Variants in PCP4L1 observed in about 807,000 individuals in gnomAD.
The protein encoded by PCP4L1 is Purkinje cell protein 4-like protein 1.
In PCP4L1, 9 loss-of-function variants were observed where a neutral mutation model predicts 9.6. The observed-to-expected ratio is 0.94, with a 90% CI of 0.57 to 1.64. The LOEUF (loss-of-function observed/expected upper bound fraction) is 1.64. Ranked by LOEUF, PCP4L1 falls within the 40% of genes most tolerant of loss-of-function variation. The pLI is 0.00. For synonymous variants in PCP4L1, 31 were observed against 28.2 expected (o/e 1.10, Z -0.31); for missense variants, 81 against 80.8 (o/e 1.00, Z -0.01).
At chr1:161,267,044 A>C (rs1158138307) in intron 1 of PCP4L1, among the ~76,000 whole-genome samples, 1 of 152,024 alleles carries the variant, frequency 6.6e-6, no homozygotes, top group African/African-American at 2.4e-5. Flanking sequence ...AGATCCACTA[A>C]CTCTCCTGTC....
intron 1 of PCP4L1, among the ~76,000 whole-genome samples, chr1:161,263,163 A>G (rs1669448697): frequency 6.6e-6 from 1 of 152,222 alleles, no homozygotes; most frequent in Non-Finnish European, 1.5e-5. Context: ...CTGACTTCTC[A>G]TTCCAAAAGA....
At chr1:161,282,254 G>A (rs1025616157) in intron 1 of PCP4L1, among the ~76,000 whole-genome samples, 4 of 152,156 alleles carry the variant, frequency 2.6e-5, no homozygotes. Flanking sequence ...AGGCGTGGCG[G>A]CGCGCGCCTG....
At chr1:161,261,214 T>A (rs896608597) in intron 1 of PCP4L1, among the ~76,000 whole-genome samples, 2 of 152,210 alleles carry the variant, frequency 1.3e-5, no homozygotes, top group Non-Finnish European at 2.9e-5. Flanking sequence ...AGAAAGTGCA[T>A]GAAGTGAGAC....
chr1:161,281,979 T>G lies in PCP4L1; in HGVS notation c.10-1689T>G, dbSNP rs7532915. Among the ~76,000 whole-genome samples, 271 of 151,438 alleles carry G rather than the reference T, an allele frequency of 1.8e-3. 1 individual carries two copies. The highest frequency in any genetic ancestry group is 6.3e-3 in the African/African-American group (259 of 41,274). On this transcript the variant is annotated intron_variant, in intron 1 of 2. Coordinates refer to ENST00000504449, the MANE Select transcript of PCP4L1 (RefSeq NM_001102566.2). ...GCAGAGACGCTCCTCACTTCCCAGA[T>G]GGGGTGGCAGCCAGGCAGAGGCTGC... is the stretch of plus-strand genomic sequence containing the variant.
chr1:161,277,745 A>G (rs1449201746), intron 1 of PCP4L1, among the ~76,000 whole-genome samples: 1 of 152,002 alleles, frequency 6.6e-6, no homozygotes, highest in African/African-American at 2.4e-5. Flanking sequence ...GCCTCATCCT[A>G]TATCTCACCA....
chr1:161,283,437 G>T (rs957731976), intron 1 of PCP4L1, among the ~76,000 whole-genome samples: 2 of 152,170 alleles, frequency 1.3e-5, no homozygotes, highest in Admixed American at 1.3e-4. Flanking sequence ...CATGAGGGCA[G>T]AATTTCTTTG....
chr1:161,263,971 G>A (rs544558313), intron 1 of PCP4L1, among the ~76,000 whole-genome samples: 180 of 132,654 alleles, frequency 1.4e-3, no homozygotes, highest in African/African-American at 4.8e-3. Flanking sequence ...GTGCAGTGGC[G>A]CCATTTTGGC....
chr1:161,266,372 C>T (rs556533718), intron 1 of PCP4L1, among the ~76,000 whole-genome samples: 1 of 152,282 alleles, frequency 6.6e-6, no homozygotes, highest in East Asian at 1.9e-4. Context: ...TTTGGCACTA[C>T]TCTCTCTCCC....
In PCP4L1 at chr1:161,266,251, C is replaced by A. The variant is rs568295186; in HGVS notation, c.9+7268C>A. The stretch of plus-strand genomic sequence containing the variant: ...GTGCTGCCTCCCTCCCACACAAAGC[C>A]CTCCAGCTGAGTGTTTGCTTTGTAG... On this transcript the variant is annotated intron_variant, in intron 1 of 2. Coordinates refer to ENST00000504449, the MANE Select transcript of PCP4L1 (RefSeq NM_001102566.2). Among the ~76,000 whole-genome samples the A allele has an allele frequency of 2.6e-5, 4 of 152,280 alleles. No individual in the cohort carries two copies. The East Asian group carries it at 7.7e-4, about 29-fold the overall frequency.
intron 1 of PCP4L1, among the ~76,000 whole-genome samples, chr1:161,260,418 T>G (rs1669395924): frequency 6.6e-6 from 1 of 152,224 alleles, no homozygotes; most frequent in Admixed American, 6.5e-5. Flanking sequence ...TCACCTCTAA[T>G]GTGGGAAGAG....
chr1:161,268,151 T>G (rs1197724059), intron 1 of PCP4L1, among the ~76,000 whole-genome samples: 1 of 152,140 alleles, frequency 6.6e-6, no homozygotes. Context: ...GTGTATAACT[T>G]AAAAAAAGAG....
chr1:161,278,408 T>C (rs34995122), intron 1 of PCP4L1, among the ~76,000 whole-genome samples: 7,506 of 152,054 alleles, frequency 0.049, 245 homozygotes, highest in Non-Finnish European at 0.072. Context: ...TCTTTCCTTC[T>C]TTCCTTCCTT....
In PCP4L1 at chr1:161,284,456, A is replaced by G. The variant is rs41270859; in HGVS notation, c.182A>G (p.Lys61Arg). 0.018 allele frequency: 29,300 copies of G among 1,613,782 alleles called. 341 individuals are homozygous for G. The highest frequency in any genetic ancestry group is 0.022 in the Non-Finnish European group (26,174 of 1,179,792). The change falls in exon 3 of 3, where the codon AAA (lysine) becomes AGA (arginine). Residue 61 changes from lysine to arginine, a missense_variant. Coordinates refer to ENST00000504449, the MANE Select transcript of PCP4L1 (RefSeq NM_001102566.2). ...CAGGGCAAGTTCCGGCGATTTCAGA[A>G]AAGGAAAAAGGATCCCAGCTCCTGA... is the stretch of plus-strand genomic sequence containing the variant. ...AIQGKFRRFQ[K>R]RKKDPSS
intron 1 of PCP4L1, among the ~76,000 whole-genome samples, chr1:161,273,887 T>C (rs972240957): frequency 6.6e-6 from 1 of 152,212 alleles, no homozygotes; most frequent in Non-Finnish European, 1.5e-5. Flanking sequence ...CGCATGCACA[T>C]ACATACTCAT....
At chr1:161,279,283 G>A (rs1427578921) in intron 1 of PCP4L1, among the ~76,000 whole-genome samples, 1 of 152,108 alleles carries the variant, frequency 6.6e-6, no homozygotes, top group African/African-American at 2.4e-5. Flanking sequence ...TTCTTTCATG[G>A]CATTTGTCAC....
intron 1 of PCP4L1, among the ~76,000 whole-genome samples, chr1:161,280,330 A>G (rs1167772315): frequency 6.6e-6 from 1 of 152,052 alleles, no homozygotes; most frequent in African/African-American, 2.4e-5. Context: ...CCAGCCCTCT[A>G]CTGATGCACT....
chr1:161,275,175 T>C (rs549295625), intron 1 of PCP4L1, among the ~76,000 whole-genome samples: 8 of 152,076 alleles, frequency 5.3e-5, no homozygotes, highest in East Asian at 1.9e-4. Context: ...TCTGCTGATA[T>C]GAGAAGGAAT....
intron 1 of PCP4L1, among the ~76,000 whole-genome samples, chr1:161,263,509 A>T (rs1466870830): frequency 2.0e-5 from 3 of 151,870 alleles, no homozygotes; most frequent in Non-Finnish European, 4.4e-5. Flanking sequence ...AAGTGCTGGG[A>T]TTACAGGGGT....
intron 1 of PCP4L1, among the ~76,000 whole-genome samples, chr1:161,283,129 C>G (rs936612430): frequency 6.6e-6 from 1 of 152,152 alleles, no homozygotes; most frequent in South Asian, 2.1e-4. Context: ...TTTCCTCTCT[C>G]CACTCCAACT....
Sources: gnomAD v4.1 joint callset for allele counts (sites outside exome capture counted in the v4.1 genomes callset) on GRCh38, gnomAD v4.1.1 for gene constraint, MANE v1.5 for transcripts, NCBI Gene and HGNC (gene_info 2026-07-23, HGNC 2026-07-21) for gene names.